The following C2 variants were observed in gnomAD, a reference collection of about 807,000 sequenced individuals.
C2 encodes the protein C3/C5 convertase.
C2 carries 64 observed loss-of-function variants against 85.2 expected under a neutral mutation model. That is an observed-to-expected ratio of 0.75 (90% CI 0.61 to 0.92). The LOEUF (loss-of-function observed/expected upper bound fraction) is 0.92, where lower values mean the gene tolerates loss of function less well. Ranked by LOEUF, C2 falls within the 40% of genes least tolerant of loss-of-function variation. C2 has a pLI of 0.00. For missense variants in C2, 820 were observed against 971.6 expected (o/e 0.84, Z 2.07); for synonymous variants, 311 against 370.8 (o/e 0.84, Z 1.85).
upstream of C2, among the ~76,000 whole-genome samples, chr6:31,917,507 T>C (rs1768624941): frequency 6.6e-6 from 1 of 151,750 alleles, no homozygotes; most frequent in Non-Finnish European, 1.5e-5. Context: ...GGAGTGTGGG[T>C]TAAAAAATTA....
chr6:31,914,892 G>A (rs547150065), intron 1 of C2, among the ~76,000 whole-genome samples: 49 of 152,048 alleles, frequency 3.2e-4, no homozygotes, highest in African/African-American at 1.1e-3. Flanking sequence ...CAGCCTGGGC[G>A]ACAGAGCAAG....
Position 31,943,127 on chromosome 6 carries a change from G to A in C2, c.1360+28G>A, listed in dbSNP as rs1582117694. On this transcript the variant is annotated intron_variant, in intron 10 of 17. Coordinates refer to ENST00000299367, the MANE Select transcript of C2 (RefSeq NM_000063.6). The surrounding 1 kb of genome is among the most constrained non-coding windows in gnomAD (Gnocchi z 6.4). ...GAGTGAGCTTTGCCCTCCTTGGTGTGGGGAGGATGGTGAGGAGCCCGCCAG... is the reference window on the plus strand; with the variant it reads ...GAGTGAGCTTTGCCCTCCTTGGTGTAGGGAGGATGGTGAGGAGCCCGCCAG... The A allele has an allele frequency of 4.3e-6, 7 of 1,612,728 alleles. No homozygotes were observed. The highest frequency in any genetic ancestry group is 5.1e-6 in the Non-Finnish European group (6 of 1,179,884).
At chr6:31,900,338 C>T, upstream of C2, 2 of 1,610,030 alleles carry the variant, frequency 1.2e-6, no homozygotes, top group South Asian at 2.2e-5. This position sits in a 1 kb window ranked among gnomAD's most constrained non-coding sequence, Gnocchi z 9.7. Context: ...ACCTGAGAAG[C>T]CCCCAGGCAG....
chr6:31,938,100 T>G (rs1253148730), intron 8 of C2, among the ~76,000 whole-genome samples: 1 of 152,176 alleles, frequency 6.6e-6, no homozygotes, highest in Non-Finnish European at 1.5e-5. Context: ...GCTGTCCTCC[T>G]TTCCTTACAC....
Position 31,937,425 on chromosome 6 carries a change from G to A in C2, c.1095G>A (p.Gln365=), listed in dbSNP as rs1463161161. 1 of 1,612,714 alleles carries A rather than the reference G, an allele frequency of 6.2e-7. No individual in the cohort carries two copies. Among genetic ancestry groups the A allele is most frequent in the African/African-American group, 1.3e-5 (1 of 74,864 alleles). The change falls in exon 8 of 18, where the codon CAG becomes CAA. Residue 365 remains glutamine (Q), a synonymous_variant. Transcript: ENST00000299367. The part of the protein sequence containing the change: ...RLLGMETMAW[Q]EIRHAIILLT... Reference sequence around the variant, plus strand: ...TCGGCATGGAAACGATGGCCTGGCAGGAAATCCGACATGCCATCATCCTTC... The same window carrying A: ...TCGGCATGGAAACGATGGCCTGGCAAGAAATCCGACATGCCATCATCCTTC...
At chr6:31,901,918 G>T (rs1242570881) in intron 1 of C2, 2 of 148,640 alleles carry the variant, frequency 1.3e-5, no homozygotes, top group Non-Finnish European at 3.0e-5. Context: ...CCCACACACG[G>T]GCAGGGCCTG....
chr6:31,944,532 C>T lies in C2; in HGVS notation c.1903-195C>T, dbSNP rs1031095931. 6.6e-6 allele frequency among the ~76,000 whole-genome samples: 1 copy of T among 152,208 alleles called. No homozygotes were observed. Among genetic ancestry groups the T allele is most frequent in the African/African-American group, 2.4e-5 (1 of 41,446 alleles). Reference sequence around the variant, plus strand: ...GAGTAGCTGAGATTACAGGTGCCCACCACCACACCAGCTAATTTTTGTATT... The same window carrying T: ...GAGTAGCTGAGATTACAGGTGCCCATCACCACACCAGCTAATTTTTGTATT... On this transcript the variant is annotated intron_variant, in intron 15 of 17. Transcript: ENST00000299367. This position sits in a 1 kb window ranked among gnomAD's most constrained non-coding sequence, Gnocchi z 5.1.
Position 31,928,617 on chromosome 6 carries a change from T to A in C2, c.257-115T>A. 3 of 1,033,052 alleles carry A rather than the reference T, an allele frequency of 2.9e-6. No homozygotes were observed. The South Asian group carries it at 4.3e-5, about 15-fold the overall frequency. 64.0% of individuals were successfully genotyped at this position (1,033,052 alleles called of 1,614,324 possible). A position where few individuals can be genotyped will look rare whatever the true frequency, so the allele number is the denominator to read the frequency against. ...ATGTTGCAACCTAATATTTCAGTGT[T>A]TTGACAGCCAGTTGACCATTCCCAT... On this transcript the variant is annotated intron_variant, in intron 2 of 17. Transcript: ENST00000299367.
At position 31,943,528 on chromosome 6, in the gene C2, GT is replaced by G; in HGVS notation, c.1567+2del. The G allele has an allele frequency of 6.2e-7, 1 of 1,612,138 alleles. No homozygotes were observed. The highest frequency in any genetic ancestry group is 8.5e-7 in the Non-Finnish European group (1 of 1,179,226). On this transcript the variant is annotated splice_donor_variant, in intron 12 of 17. Coordinates refer to ENST00000299367, the MANE Select transcript of C2 (RefSeq NM_000063.6). LOFTEE classifies it high-confidence loss of function. The surrounding 1 kb of genome is among the most constrained non-coding windows in gnomAD (Gnocchi z 6.4). ...CACTCCCTGTGGAGGGTCAATGTGG[GT>G]AAGGCAGGGGATGCACCAGCCTCCT...
At chr6:31,925,608 A>G (rs558200663), upstream of C2, among the ~76,000 whole-genome samples, 7 of 152,212 alleles carry the variant, frequency 4.6e-5, no homozygotes, top group East Asian at 1.4e-3. Flanking sequence ...TGTGCTTTCG[A>G]TATCACCCAG....
chr6:31,944,672 C>T lies in C2; in HGVS notation c.1903-55C>T. Reference sequence around the variant, plus strand: ...CTGAGATTACAGGCGTGAGCCACTGCACCCACCCGGGTCTGCTTATTCTAC... The same window carrying T: ...CTGAGATTACAGGCGTGAGCCACTGTACCCACCCGGGTCTGCTTATTCTAC... On this transcript the variant is annotated intron_variant, in intron 15 of 17. Coordinates refer to ENST00000299367, the MANE Select transcript of C2 (RefSeq NM_000063.6). This position sits in a 1 kb window ranked among gnomAD's most constrained non-coding sequence, Gnocchi z 5.1. The T allele has an allele frequency of 6.2e-7, 1 of 1,607,870 alleles. No individual in the cohort carries two copies. Among genetic ancestry groups the T allele is most frequent in the African/African-American group, 1.3e-5 (1 of 74,918 alleles).
upstream of C2, chr6:31,900,760 C>T: frequency 6.3e-7 from 1 of 1,590,336 alleles, no homozygotes; most frequent in Non-Finnish European, 8.6e-7. The surrounding 1 kb of genome is among the most constrained non-coding windows in gnomAD (Gnocchi z 9.7). Context: ...GTGGGAACTC[C>T]AGCTTCACTG....
In C2 at chr6:31,944,702, C is replaced by T. The variant is rs766168293; in HGVS notation, c.1903-25C>T. 1.9e-6 allele frequency: 3 copies of T among 1,612,936 alleles called. No homozygotes were observed. The South Asian group carries it at 3.3e-5, about 18-fold the overall frequency. On this transcript the variant is annotated intron_variant, in intron 15 of 17. Transcript: ENST00000299367. This position sits in a 1 kb window ranked among gnomAD's most constrained non-coding sequence, Gnocchi z 5.1. ...ACCCGGGTCTGCTTATTCTACCCTT[C>T]TCTCTGGTTCCACCCCTGCTGCAGT...
chr6:31,898,639 T>C (rs1469150915), upstream of C2, among the ~76,000 whole-genome samples: 1 of 139,148 alleles, frequency 7.2e-6, no homozygotes, highest in Admixed American at 8.3e-5. Context: ...TAATCCAAAC[T>C]TAGCTTTTTT....
chr6:31,936,404 C>T, intron 7 of C2: 1 of 355,892 alleles, frequency 2.8e-6, no homozygotes, highest in Non-Finnish European at 5.3e-6. Flanking sequence ...TGGCACTTAG[C>T]AAATGGCTGA....
At chr6:31,908,063 G>T (rs1215938544) in intron 1 of C2, among the ~76,000 whole-genome samples, 2 of 150,984 alleles carry the variant, frequency 1.3e-5, no homozygotes, top group Non-Finnish European at 2.9e-5. Flanking sequence ...GGCCAGGCTG[G>T]TCTTGAACTC....
In C2 at chr6:31,933,993, T is replaced by G. The variant is rs566860511; in HGVS notation, c.715+28T>G. ...GAGTGTTTGAGGTGGGGTTTCTGGT[T>G]GAGCAGGGTGCTGGATCTGGGCCGG... On this transcript the variant is annotated intron_variant, in intron 5 of 17. Transcript: ENST00000299367. 7 of 1,596,860 alleles carry G rather than the reference T, an allele frequency of 4.4e-6. No homozygotes were observed. The South Asian group carries it at 7.7e-5, about 18-fold the overall frequency.
intron 1 of C2, among the ~76,000 whole-genome samples, chr6:31,907,922 C>T (rs1469728143): frequency 6.9e-6 from 1 of 145,952 alleles, no homozygotes; most frequent in Non-Finnish European, 1.5e-5. Flanking sequence ...TCTCAGCTCA[C>T]TGCAACCTCT....
At chr6:31,925,983 G>A (rs940820869), upstream of C2, among the ~76,000 whole-genome samples, 1 of 152,094 alleles carries the variant, frequency 6.6e-6, no homozygotes, top group African/African-American at 2.4e-5. Flanking sequence ...GGTGGAAGAC[G>A]GATCTCCGCT....
Sources: gnomAD v4.1 joint callset for allele counts (sites outside exome capture counted in the v4.1 genomes callset) on GRCh38, gnomAD v4.1.1 for gene constraint, Gnocchi (gnomAD v3.1) non-coding constraint, MANE v1.5 for transcripts, NCBI Gene and HGNC (gene_info 2026-07-23, HGNC 2026-07-21) for gene names.